The following SULF2 variants were observed in gnomAD, a reference collection of about 807,000 sequenced individuals.
The protein encoded by SULF2 is sulfatase 2, also known as extracellular sulfatase Sulf-2.
A neutral mutation model predicts 107.7 loss-of-function variants in SULF2; 52 were observed. The ratio of observed to expected loss-of-function variants is 0.48; its 90% CI spans 0.39 to 0.61. The LOEUF is 0.61. Ranked by LOEUF, SULF2 falls within the 20% of genes least tolerant of loss-of-function variation. SULF2 has a pLI of 0.00. For missense variants in SULF2, 993 were observed against 1,177.3 expected (o/e 0.84, Z 2.29); for synonymous variants, 460 against 464.3 (o/e 0.99, Z 0.12).
At chr20:47,693,644 A>G (rs546204349) in intron 4 of SULF2, among the ~76,000 whole-genome samples, 14 of 152,366 alleles carry the variant, frequency 9.2e-5, no homozygotes, top group African/African-American at 3.1e-4. Context: ...ATCATTTATA[A>G]AAAGTCTAAG....
intron 1 of SULF2, among the ~76,000 whole-genome samples, chr20:47,784,656 CACG>C (rs1406414666): frequency 1.5e-4 from 23 of 152,310 alleles, no homozygotes; most frequent in South Asian, 2.1e-4. Flanking sequence ...CGGTGCCCGG[CACG>C]AGGGGGTGCT....
At chr20:47,747,063 G>C (rs2090062040) in intron 2 of SULF2, among the ~76,000 whole-genome samples, 2 of 142,876 alleles carry the variant, frequency 1.4e-5, no homozygotes, top group Non-Finnish European at 3.0e-5. Flanking sequence ...TTTTCACCTA[G>C]TATAGATGTG....
intron 10 of SULF2, among the ~76,000 whole-genome samples, chr20:47,673,596 C>T (rs1602609210): frequency 6.6e-6 from 1 of 152,222 alleles, no homozygotes; most frequent in East Asian, 1.9e-4. Context: ...CTGTTCTCAC[C>T]TGGAGGCTGA....
intron 1 of SULF2, among the ~76,000 whole-genome samples, chr20:47,772,057 C>A (rs58701864): frequency 6.6e-6 from 1 of 152,052 alleles, no homozygotes; most frequent in African/African-American, 2.4e-5. Context: ...CATATGCCAG[C>A]GTCTCAGAAT....
chr20:47,661,039 C>CA (rs1244553878), intron 18 of SULF2, among the ~76,000 whole-genome samples: 2 of 152,140 alleles, frequency 1.3e-5, no homozygotes, highest in Admixed American at 1.3e-4. Context: ...CTCCACCTAG[C>CA]AAATGTCGGT....
At chr20:47,681,390 T>C (rs1602629788) in intron 7 of SULF2, among the ~76,000 whole-genome samples, 1 of 152,130 alleles carries the variant, frequency 6.6e-6, no homozygotes, top group East Asian at 1.9e-4. Context: ...TTCTTGACCA[T>C]GTGGGATGTG....
chr20:47,773,808 T>C (rs2090675205), intron 1 of SULF2, among the ~76,000 whole-genome samples: 1 of 152,242 alleles, frequency 6.6e-6, no homozygotes, highest in Non-Finnish European at 1.5e-5. Context: ...TTCCACCTTT[T>C]TAACCCCCTC....
chr20:47,732,828 G>A (rs547179495), intron 3 of SULF2, among the ~76,000 whole-genome samples: 1 of 152,160 alleles, frequency 6.6e-6, no homozygotes, highest in Non-Finnish European at 1.5e-5. Flanking sequence ...GGGCAACAGA[G>A]TGAGACCCTG....
chr20:47,746,367 C>T lies in SULF2; in HGVS notation c.176-9425G>A, dbSNP rs544479696. On this transcript the variant is annotated intron_variant, in intron 2 of 20. Coordinates refer to ENST00000688720, the MANE Select transcript of SULF2 (RefSeq NM_001387048.1). ...GAGGGCTATGAGGTCGAGCCACAGG[C>T]GGGAAAGAACCTGTGTCCTGCACTG... Among the ~76,000 whole-genome samples the T allele has an allele frequency of 9.2e-5, 14 of 152,256 alleles. No individual in the cohort carries two copies. In the South Asian group the frequency reaches 2.1e-3, roughly 23 times the overall value.
chr20:47,682,941 C>A (rs949192519), intron 7 of SULF2, 53 bp downstream of exon 7: 3 of 1,522,088 alleles, frequency 2.0e-6, no homozygotes, highest in Middle Eastern at 1.8e-4. Context: ...ATGGTTGAAG[C>A]CCTGAGCTGG....
chr20:47,777,505 A>G (rs887953507), intron 1 of SULF2, among the ~76,000 whole-genome samples: 2 of 152,166 alleles, frequency 1.3e-5, no homozygotes, highest in Non-Finnish European at 2.9e-5. Context: ...GGGACCTTGG[A>G]TGACACTGTT....
rs1402825849 is a variant in SULF2, at chr20:47,672,328, C to T, written c.1446G>A (p.Arg482=). Residue 482 remains arginine, a synonymous_variant, in exon 11 of 21, where the codon CGG becomes CGA. Transcript: ENST00000688720. ...LKLHKCKGPM[R]LGGSRALSNL... The stretch of plus-strand genomic sequence containing the variant: ...TGGAGAGGGCTCTGCTGCCGCCCAG[C>T]CGCATGGGGCCCTTGCACTTATGCA... 6.2e-7 allele frequency: 1 copy of T among 1,613,290 alleles called. No homozygotes were observed. Among genetic ancestry groups the T allele is most frequent in the Non-Finnish European group, 8.5e-7 (1 of 1,179,980 alleles).
In SULF2 at chr20:47,694,432, A is replaced by G. The variant is rs2088306851; in HGVS notation, c.568-4137T>C. On this transcript the variant is annotated intron_variant, in intron 4 of 20. Transcript: ENST00000688720. The surrounding 1 kb of genome is among the most constrained non-coding windows in gnomAD (Gnocchi z 4.4). ...GTGTTTGGGGTGCCCGGGTCAAGCC[A>G]TGAGGAAGAACTCTGAAATTCAGAC... 6.6e-6 allele frequency among the ~76,000 whole-genome samples: 1 copy of G among 152,192 alleles called. No homozygotes were observed. The highest frequency in any genetic ancestry group is 6.5e-5 in the Admixed American group (1 of 15,288).
intron 4 of SULF2, among the ~76,000 whole-genome samples, chr20:47,691,487 T>C (rs1285957060): frequency 6.6e-6 from 1 of 152,208 alleles, no homozygotes; most frequent in Non-Finnish European, 1.5e-5. Flanking sequence ...CTGGTTGGAT[T>C]GGCCTGCGGT....
intron 3 of SULF2, among the ~76,000 whole-genome samples, chr20:47,733,814 C>T (rs868018875): frequency 1.3e-5 from 2 of 152,102 alleles, no homozygotes; most frequent in South Asian, 2.1e-4. Flanking sequence ...GAGTTATTCT[C>T]GAAACATTGT....
At chr20:47,698,550 A>G (rs1024037410) in intron 4 of SULF2, among the ~76,000 whole-genome samples, 2 of 152,168 alleles carry the variant, frequency 1.3e-5, no homozygotes, top group African/African-American at 4.8e-5. Context: ...GCAGACAAAA[A>G]CAGAGCTGAC....
chr20:47,711,414 C>T (rs112095530), intron 3 of SULF2, among the ~76,000 whole-genome samples: 7 of 152,320 alleles, frequency 4.6e-5, no homozygotes, highest in East Asian at 3.9e-4. Context: ...GACAGGCATG[C>T]GAAGGGTGAA....
Position 47,721,078 on chromosome 20 carries a change from GT to G in SULF2, c.415+15624del. Among the ~76,000 whole-genome samples, 3 of 152,214 alleles carry G rather than the reference GT, an allele frequency of 2.0e-5. No homozygotes were observed. In the Middle Eastern group the frequency reaches 0.01, roughly 518 times the overall value. On this transcript the variant is annotated intron_variant, in intron 3 of 20. Transcript: ENST00000688720. Reference sequence around the variant, plus strand: ...AGGGCTGGGGTATTTCTGATATTCTGTAACTGGATCCTTTTAACTTTGTGCT... The same window carrying G: ...AGGGCTGGGGTATTTCTGATATTCTGAACTGGATCCTTTTAACTTTGTGCT...
At chr20:47,739,452 C>A (rs542723063) in intron 2 of SULF2, among the ~76,000 whole-genome samples, 1 of 152,198 alleles carries the variant, frequency 6.6e-6, no homozygotes, top group Non-Finnish European at 1.5e-5. Context: ...CACCTCCTGG[C>A]CCCTGCCTCA....
Sources: gnomAD v4.1 joint callset for allele counts (sites outside exome capture counted in the v4.1 genomes callset) on GRCh38, gnomAD v4.1.1 for gene constraint, Gnocchi (gnomAD v3.1) non-coding constraint, MANE v1.5 for transcripts, NCBI Gene and HGNC (gene_info 2026-07-23, HGNC 2026-07-21) for gene names.